Variants in MALRD1 observed in about 807,000 individuals in gnomAD.
MALRD1 encodes the protein MAM and LDL-receptor class A domain-containing protein 1.
Under a neutral mutation model 242.1 loss-of-function variants are expected in MALRD1, and 247 were observed. That is an observed-to-expected ratio of 1.02 (90% CI 0.92 to 1.13). The LOEUF (loss-of-function observed/expected upper bound fraction) is 1.13. Among genes scored for constraint, MALRD1 ranks in the 50% most tolerant of loss-of-function variants. The pLI is 0.00. For missense variants in MALRD1, 2,989 were observed against 2,533.1 expected, an observed-to-expected ratio of 1.18 and a Z score of -3.86; for synonymous variants, 995 against 866.6, an observed-to-expected ratio of 1.15 and a Z score of -2.60.
At chr10:19,083,632 C>G (rs1236072209) in intron 2 of MALRD1, among the ~76,000 whole-genome samples, 1 of 151,862 alleles carries the variant, frequency 6.6e-6, no homozygotes, top group African/African-American at 2.4e-5. Flanking sequence ...AACCAAAAGA[C>G]AGGTCAAATA....
At chr10:19,180,900 C>A (rs776207390) in intron 14 of MALRD1, among the ~76,000 whole-genome samples, 1 of 152,032 alleles carries the variant, frequency 6.6e-6, no homozygotes. Context: ...TGGGCAAAGG[C>A]CCTGAATAGA....
chr10:19,388,592 T>C lies in MALRD1; in HGVS notation c.4687+819T>C, dbSNP rs1453965475. 2.6e-5 allele frequency among the ~76,000 whole-genome samples: 4 copies of C among 152,232 alleles called. No homozygotes were observed. In the East Asian group the frequency reaches 7.7e-4, roughly 29 times the overall value. On this transcript the variant is annotated intron_variant, in intron 27 of 39. Transcript: ENST00000454679. The stretch of plus-strand genomic sequence containing the variant: ...ACAGAGATTGTGGAGATGATGTATA[T>C]GAAGAGAAAAGAGTTTGAAACCTAT...
intron 26 of MALRD1, among the ~76,000 whole-genome samples, chr10:19,378,011 A>G (rs1845681986): frequency 6.6e-6 from 1 of 152,152 alleles, no homozygotes; most frequent in Non-Finnish European, 1.5e-5. Flanking sequence ...AGCTGGACGC[A>G]CAGATTTTAA....
chr10:19,177,436 TTGTAA>T (rs1267232607), intron 14 of MALRD1, among the ~76,000 whole-genome samples: 1 of 151,998 alleles, frequency 6.6e-6, no homozygotes, highest in Non-Finnish European at 1.5e-5. Context: ...GAGCACTGTC[TTGTAA>T]TGTAGTATTT....
At chr10:19,050,312 C>T (rs1204981972) in intron 1 of MALRD1, among the ~76,000 whole-genome samples, 67 of 151,192 alleles carry the variant, frequency 4.4e-4, no homozygotes, top group South Asian at 8.3e-4. Context: ...TGGTCTCGAT[C>T]TCCTGACCTC....
chr10:19,264,611 G>A (rs1157618014), intron 19 of MALRD1, among the ~76,000 whole-genome samples: 3 of 151,838 alleles, frequency 2.0e-5, no homozygotes, highest in Non-Finnish European at 4.4e-5. Flanking sequence ...CCACCACCAT[G>A]CCCAGCTAAT....
intron 36 of MALRD1, among the ~76,000 whole-genome samples, chr10:19,652,676 A>G (rs567921511): frequency 2.0e-5 from 3 of 152,298 alleles, no homozygotes; most frequent in Non-Finnish European, 4.4e-5. Flanking sequence ...CCCAACACCT[A>G]AGAACTACCA....
chr10:19,250,681 T>A (rs975847184), intron 18 of MALRD1, among the ~76,000 whole-genome samples: 7 of 151,956 alleles, frequency 4.6e-5, no homozygotes, highest in Admixed American at 4.6e-4. Context: ...TTGTGGTTTG[T>A]GAATCCTTTA....
chr10:19,282,931 A>C, intron 20 of MALRD1, 88 bp from the exon 21 acceptor site: 1 of 927,818 alleles, frequency 1.1e-6, no homozygotes, highest in Non-Finnish European at 1.5e-6. Flanking sequence ...TAGAATTAAA[A>C]ACAAGAGTAA....
At position 19,607,807 on chromosome 10, in the gene MALRD1, T is replaced by C. The variant is rs1293702903; in HGVS notation, c.5975T>C (p.Val1992Ala). The C allele has an allele frequency of 6.5e-7, 1 of 1,549,778 alleles. No individual in the cohort carries two copies. Among genetic ancestry groups the C allele is most frequent in the South Asian group, 1.2e-5 (1 of 84,038 alleles). Reference protein sequence around the residue: ...SNKSCSNGALVCASSNSCIPA... With the variant: ...SNKSCSNGALACASSNSCIPA... ...AAAAGCTGTTCTAATGGAGCTCTGG[T>C]GTGTGCCTCCTCCAACAGCTGTATC... The change falls in exon 35 of 40, where the codon GTG (valine) becomes GCG (alanine). Residue 1992 changes from valine to alanine, a missense_variant. Val to Ala is a moderately conservative substitution (Grantham distance 64). Transcript: ENST00000454679.
At chr10:19,194,161 A>G (rs1396617825) in intron 14 of MALRD1, among the ~76,000 whole-genome samples, 1 of 152,114 alleles carries the variant, frequency 6.6e-6, no homozygotes, top group Non-Finnish European at 1.5e-5. Context: ...GACTAATACA[A>G]TTTCACGTTT....
intron 4 of MALRD1, among the ~76,000 whole-genome samples, chr10:19,097,889 C>T (rs147706987): frequency 6.6e-6 from 1 of 152,272 alleles, no homozygotes; most frequent in African/African-American, 2.4e-5. Flanking sequence ...TAGCAGAGCA[C>T]ATCTCCCCAT....
chr10:19,605,331 A>T (rs754163239), intron 34 of MALRD1, among the ~76,000 whole-genome samples: 12 of 150,504 alleles, frequency 8.0e-5, no homozygotes, highest in African/African-American at 2.9e-4. Context: ...TTTTTATTTT[A>T]TTATTATTAT....
intron 31 of MALRD1, among the ~76,000 whole-genome samples, chr10:19,515,211 A>G (rs1393957520): frequency 6.6e-6 from 1 of 152,148 alleles, no homozygotes; most frequent in Non-Finnish European, 1.5e-5. Context: ...AATTATTTCT[A>G]GTAATTTTAG....
At chr10:19,219,731 C>A (rs1016819519) in intron 18 of MALRD1, among the ~76,000 whole-genome samples, 12 of 152,262 alleles carry the variant, frequency 7.9e-5, no homozygotes, top group African/African-American at 2.9e-4. Context: ...GCCAATATTT[C>A]TTTTCTAAAA....
chr10:19,288,682 G>C (rs1841258895), intron 21 of MALRD1, among the ~76,000 whole-genome samples: 1 of 152,064 alleles, frequency 6.6e-6, no homozygotes. Flanking sequence ...GTGTGCCCAA[G>C]TCCTGCGAGA....
At chr10:19,654,148 C>T (rs182328440) in intron 36 of MALRD1, among the ~76,000 whole-genome samples, 1 of 152,180 alleles carries the variant, frequency 6.6e-6, no homozygotes, top group Non-Finnish European at 1.5e-5. Flanking sequence ...TGATTTATCA[C>T]CTCCCATAAG....
chr10:19,214,250 G>C (rs965731175), intron 18 of MALRD1, among the ~76,000 whole-genome samples: 1 of 152,108 alleles, frequency 6.6e-6, no homozygotes, highest in Non-Finnish European at 1.5e-5. Flanking sequence ...GGCTCCTCTT[G>C]GGCTCTTCTC....
At chr10:19,362,662 T>C (rs7085403) in intron 26 of MALRD1, among the ~76,000 whole-genome samples, 115,736 of 151,970 alleles carry the variant, frequency 0.76, 44,353 homozygotes, top group African/African-American at 0.82. Flanking sequence ...AGGCAGGTTT[T>C]GTAGGTTACT....
Sources: allele counts gnomAD v4.1 joint callset (sites outside exome capture counted in the v4.1 genomes callset), GRCh38; gene constraint gnomAD v4.1.1; transcripts MANE v1.5; gene names NCBI Gene and HGNC (gene_info 2026-07-23, HGNC 2026-07-21).